Variants in ROBO2 observed in about 807,000 individuals in gnomAD.
The protein encoded by ROBO2 is roundabout homolog 2.
ROBO2 carries 53 observed loss-of-function variants against 160.8 expected under a neutral mutation model. The observed-to-expected ratio is 0.33, with a 90% CI of 0.26 to 0.41. The LOEUF (loss-of-function observed/expected upper bound fraction) is 0.41. Among genes scored for constraint, ROBO2 ranks in the 10% least tolerant of loss-of-function variants. The probability of loss-of-function intolerance (pLI) is 1.00; values close to 1 mark genes in which losing one functional copy is unlikely to be tolerated. For synonymous variants in ROBO2, 664 were observed against 611.7 expected (o/e 1.09, Z -1.26); for missense variants, 1,577 against 1,722.4 (o/e 0.92, Z 1.49).
chr3:75,907,561 C>T (rs1276116784), intron 1 of ROBO2, among the ~76,000 whole-genome samples: 1 of 152,128 alleles, frequency 6.6e-6, no homozygotes, highest in Non-Finnish European at 1.5e-5. Flanking sequence ...GCTTAAAAGC[C>T]ATGTTGGTTC....
intron 1 of ROBO2, among the ~76,000 whole-genome samples, chr3:75,915,258 A>G (rs1946764410): frequency 6.6e-6 from 1 of 152,234 alleles, no homozygotes; most frequent in Non-Finnish European, 1.5e-5. Context: ...TCTAAGCATA[A>G]GAGTCAGGTC....
intron 2 of ROBO2, among the ~76,000 whole-genome samples, chr3:76,292,193 A>G (rs551719870): frequency 6.6e-6 from 1 of 152,282 alleles, no homozygotes; most frequent in African/African-American, 2.4e-5. Context: ...AAAGCTGCTT[A>G]TTCCTAAGAA....
In ROBO2 at chr3:76,593,494, G is replaced by A. The variant is rs373782047; in HGVS notation, c.110-504520G>A. Among the ~76,000 whole-genome samples the A allele has an allele frequency of 1.2e-4, 18 of 152,122 alleles. No individual in the cohort carries two copies. In the East Asian group the frequency reaches 2.7e-3, roughly 23 times the overall value. Reference sequence around the variant, plus strand: ...AAATAATCTGATCAGATAACTGAATGTACTGTTAATCACCTTGAAATGAAT... The same window carrying A: ...AAATAATCTGATCAGATAACTGAATATACTGTTAATCACCTTGAAATGAAT... On this transcript the variant is annotated intron_variant, in intron 2 of 26. Coordinates refer to the ROBO2 transcript ENST00000487694.
At chr3:76,777,660 G>C (rs1468803931) in intron 2 of ROBO2, among the ~76,000 whole-genome samples, 4 of 149,880 alleles carry the variant, frequency 2.7e-5, no homozygotes, top group Admixed American at 2.0e-4. Flanking sequence ...CCTAAAGTTT[G>C]ATCTAAAAAT....
intron 2 of ROBO2, among the ~76,000 whole-genome samples, chr3:76,806,759 T>C (rs377362290): frequency 6.6e-5 from 10 of 152,150 alleles, no homozygotes; most frequent in African/African-American, 2.4e-4. Context: ...GTTTGTCACT[T>C]ACTTCTCTAA....
intron 2 of ROBO2, among the ~76,000 whole-genome samples, chr3:76,221,710 A>G (rs1339043609): frequency 6.6e-6 from 1 of 152,210 alleles, no homozygotes; most frequent in African/African-American, 2.4e-5. Flanking sequence ...ATGATGGGGA[A>G]CATGGTAAGA....
intron 2 of ROBO2, among the ~76,000 whole-genome samples, chr3:77,353,592 C>T (rs777114882): frequency 1.4e-4 from 22 of 152,046 alleles, no homozygotes; most frequent in African/African-American, 2.7e-4. Context: ...CTCACTGCAA[C>T]CTCCGCCTCC....
Position 76,214,278 on chromosome 3 carries a change from A to G in ROBO2, c.109+276676A>G, listed in dbSNP as rs370029525. Among the ~76,000 whole-genome samples, 9 of 152,326 alleles carry G rather than the reference A, an allele frequency of 5.9e-5. No individual in the cohort carries two copies. The East Asian group carries it at 7.7e-4, about 13-fold the overall frequency. On this transcript the variant is annotated intron_variant, in intron 2 of 26. Coordinates refer to the ROBO2 transcript ENST00000487694. ...AGCTAAAGTCCTAGCTGTGATTTCA[A>G]TGTTCATGTCCCCTCCAAAATTTGT...
rs191439326 is a variant in ROBO2, at chr3:76,217,622, G to C, written c.109+280020G>C. ...CCCAAGACTAAACCAGGAAGAAGTT[G>C]AATCTCTGAATAGAACAATAACAGG... On this transcript the variant is annotated intron_variant, in intron 2 of 26. Coordinates refer to the ROBO2 transcript ENST00000487694. Among the ~76,000 whole-genome samples the C allele has an allele frequency of 3.3e-5, 5 of 152,234 alleles. No homozygotes were observed. The East Asian group carries it at 9.7e-4, about 29-fold the overall frequency.
chr3:77,366,670 A>G (rs2070922628), intron 2 of ROBO2, among the ~76,000 whole-genome samples: 1 of 152,146 alleles, frequency 6.6e-6, no homozygotes, highest in Non-Finnish European at 1.5e-5. Flanking sequence ...CATGATGCCA[A>G]CATTTGCCTC....
At chr3:77,438,747 G>A (rs2079596009) in intron 2 of ROBO2, among the ~76,000 whole-genome samples, 1 of 151,920 alleles carries the variant, frequency 6.6e-6, no homozygotes, top group Non-Finnish European at 1.5e-5. Context: ...CAGGCAACAG[G>A]CAGATTTGAC....
intron 2 of ROBO2, among the ~76,000 whole-genome samples, chr3:77,419,484 A>G (rs1040237848): frequency 6.6e-6 from 1 of 152,162 alleles, no homozygotes; most frequent in Admixed American, 6.6e-5. Context: ...GAAAACTGAA[A>G]AAAGAAGGAG....
At chr3:76,369,772 C>T (rs1266866779) in intron 2 of ROBO2, among the ~76,000 whole-genome samples, 1 of 151,820 alleles carries the variant, frequency 6.6e-6, no homozygotes, top group East Asian at 1.9e-4. Context: ...TAAATATTTC[C>T]TGGGTTTTAA....
chr3:77,562,821 T>A lies in ROBO2; in HGVS notation c.1519+89T>A, dbSNP rs2093365229. On this transcript the variant is annotated intron_variant, in intron 10 of 25. Transcript: ENST00000461745. ...TAAGTTAAGGGGGGATCAAAGTGTTTAATTCACTGAATGTAAATTTTAGCC... is the reference window on the plus strand; with the variant it reads ...TAAGTTAAGGGGGGATCAAAGTGTTAAATTCACTGAATGTAAATTTTAGCC... The A allele has an allele frequency of 7.4e-6, 7 of 950,160 alleles. No individual in the cohort carries two copies. In the Admixed American group the frequency reaches 1.1e-4, roughly 15 times the overall value. 58.9% of individuals were successfully genotyped at this position (950,160 alleles called of 1,614,324 possible). A position where few individuals can be genotyped will look rare whatever the true frequency, so the allele number is the denominator to read the frequency against.
intron 2 of ROBO2, among the ~76,000 whole-genome samples, chr3:75,992,388 C>T (rs369168943): frequency 5.3e-5 from 8 of 152,214 alleles, no homozygotes; most frequent in Admixed American, 3.3e-4. Context: ...CCATTGCTCC[C>T]GAGGGTGGAG....
chr3:76,239,939 G>C (rs952759197), intron 2 of ROBO2, among the ~76,000 whole-genome samples: 12 of 152,100 alleles, frequency 7.9e-5, no homozygotes, highest in African/African-American at 2.9e-4. Flanking sequence ...GGTGTAAATG[G>C]GGCTTTGCAG....
At chr3:76,081,698 T>A (rs541086002) in intron 2 of ROBO2, among the ~76,000 whole-genome samples, 2 of 152,232 alleles carry the variant, frequency 1.3e-5, no homozygotes, top group East Asian at 3.9e-4. Context: ...TTTTCATAGA[T>A]GTTCTCATTT....
intron 2 of ROBO2, among the ~76,000 whole-genome samples, chr3:77,308,074 C>T (rs2063241828): frequency 6.7e-6 from 1 of 149,560 alleles, no homozygotes. Flanking sequence ...GAGTTTTTAC[C>T]TTGATGAAAG....
At chr3:77,158,436 C>G (rs1206942614) in intron 2 of ROBO2, among the ~76,000 whole-genome samples, 1 of 152,060 alleles carries the variant, frequency 6.6e-6, no homozygotes, top group Non-Finnish European at 1.5e-5. Context: ...TAAGTTAATA[C>G]ATGTAACTGG....
Sources: allele counts gnomAD v4.1 joint callset (sites outside exome capture counted in the v4.1 genomes callset), GRCh38; gene constraint gnomAD v4.1.1; transcripts MANE v1.5; gene names NCBI Gene and HGNC (gene_info 2026-07-23, HGNC 2026-07-21).